The following DRAM1 variants were observed in gnomAD, a reference collection of about 807,000 sequenced individuals.
DRAM1 encodes the protein DNA damage regulated autophagy modulator 1.
DRAM1 carries 25 observed loss-of-function variants against 28.5 expected under a neutral mutation model. The ratio of observed to expected loss-of-function variants is 0.88; its 90% CI spans 0.64 to 1.23. The LOEUF (loss-of-function observed/expected upper bound fraction) is 1.23, where lower values mean the gene tolerates loss of function less well. Among genes scored for constraint, DRAM1 ranks in the 50% most tolerant of loss-of-function variants. The probability of loss-of-function intolerance (pLI) is 0.00; values close to 1 mark genes in which losing one functional copy is unlikely to be tolerated. For missense variants in DRAM1, 249 were observed against 299.2 expected (o/e 0.83, Z 1.24); for synonymous variants, 113 against 114.2 (o/e 0.99, Z 0.07).
intron 1 of DRAM1, among the ~76,000 whole-genome samples, chr12:101,884,989 A>G (rs913080651): frequency 6.6e-6 from 1 of 150,428 alleles, no homozygotes; most frequent in Non-Finnish European, 1.5e-5. Context: ...GCTGGAGTGC[A>G]ATGGCGCAAT....
chr12:101,892,315 A>C (rs1404653390), intron 1 of DRAM1, among the ~76,000 whole-genome samples: 1 of 151,356 alleles, frequency 6.6e-6, no homozygotes, highest in Non-Finnish European at 1.5e-5. Flanking sequence ...GGCTCACTGC[A>C]ACCTCCACCT....
intron 2 of DRAM1, among the ~76,000 whole-genome samples, chr12:101,901,035 A>G (rs1873579259): frequency 6.6e-6 from 1 of 152,076 alleles, no homozygotes; most frequent in African/African-American, 2.4e-5. Context: ...AGAGTAATAC[A>G]TGTACTATAA....
chr12:101,880,528 A>G (rs1275243517), intron 1 of DRAM1, among the ~76,000 whole-genome samples: 2 of 151,980 alleles, frequency 1.3e-5, no homozygotes, highest in Non-Finnish European at 2.9e-5. Flanking sequence ...ACCTCAGATG[A>G]TCCACCTGCC....
chr12:101,916,665 T>A (rs1826991720), intron 5 of DRAM1, among the ~76,000 whole-genome samples: 1 of 152,168 alleles, frequency 6.6e-6, no homozygotes, highest in Admixed American at 6.5e-5. Flanking sequence ...CAGAGGATTC[T>A]TTCCCCCAAG....
intron 3 of DRAM1, among the ~76,000 whole-genome samples, chr12:101,903,499 G>A (rs1873675484): frequency 6.6e-6 from 1 of 152,170 alleles, no homozygotes; most frequent in Non-Finnish European, 1.5e-5. Context: ...ACAGGAGAGA[G>A]TAGAATGGTG....
At position 101,895,805 on chromosome 12, in the gene DRAM1, C is replaced by T. The variant is rs1201392403; in HGVS notation, c.132-2058C>T. ...CAGGCTGGTCTTGAACTCCTGACCT[C>T]GTGATCCACCTGCCTCGGGCTCCCG... On this transcript the variant is annotated intron_variant, in intron 1 of 6. Coordinates refer to ENST00000258534, the MANE Select transcript of DRAM1 (RefSeq NM_018370.3). Among the ~76,000 whole-genome samples, 10 of 151,866 alleles carry T rather than the reference C, an allele frequency of 6.6e-5. No homozygotes were observed. The South Asian group carries it at 1.0e-3, about 16-fold the overall frequency.
intron 1 of DRAM1, among the ~76,000 whole-genome samples, chr12:101,894,680 GC>G (rs1313064179): frequency 6.6e-6 from 1 of 152,160 alleles, no homozygotes; most frequent in Non-Finnish European, 1.5e-5. Context: ...GTCTCAATTT[GC>G]CATCAATAGA....
chr12:101,898,647 T>C (rs1873480408), intron 2 of DRAM1, among the ~76,000 whole-genome samples: 1 of 152,138 alleles, frequency 6.6e-6, no homozygotes. Flanking sequence ...AAAATGCAGG[T>C]TCCTGGGCCA....
At chr12:101,882,692 A>C (rs140959805) in intron 1 of DRAM1, among the ~76,000 whole-genome samples, 1 of 151,386 alleles carries the variant, frequency 6.6e-6, no homozygotes, top group Non-Finnish European at 1.5e-5. Flanking sequence ...TGATACTAGT[A>C]CTGGTGAGAA....
chr12:101,909,945 T>C (rs1349678350), intron 4 of DRAM1, among the ~76,000 whole-genome samples: 1 of 152,232 alleles, frequency 6.6e-6, no homozygotes, highest in African/African-American at 2.4e-5. Flanking sequence ...ATCGGAACTA[T>C]GTTATCGGCG....
At chr12:101,914,283 T>C (rs764464588) in intron 5 of DRAM1, 51 bp downstream of exon 5, 7 of 1,471,616 alleles carry the variant, frequency 4.8e-6, no homozygotes, top group Admixed American at 1.9e-5. Flanking sequence ...TTATGTGAGC[T>C]TGTGGCCAGG....
intron 1 of DRAM1, among the ~76,000 whole-genome samples, chr12:101,889,503 A>AAGGAAAGG (rs774762667): frequency 0.079 from 11,101 of 141,040 alleles, 652 homozygotes; most frequent in Middle Eastern, 0.15. Context: ...GTAAGGAAGG[A>AAGGAAAGG]AAGGAAGGAA....
rs914572026 is a variant in DRAM1 at position 101,922,097 on chromosome 12, C to T, written c.*837C>T. On this transcript the variant is annotated 3_prime_UTR_variant, in exon 7 of 7. Coordinates refer to ENST00000258534, the MANE Select transcript of DRAM1 (RefSeq NM_018370.3). ...CTCACATCTCAAATTCATTTCATGC[C>T]AGTAAATGTGGCAAAGAGAAGAAAG... 1 of 152,160 alleles carries T rather than the reference C, an allele frequency of 6.6e-6. No homozygotes were observed. Among genetic ancestry groups the T allele is most frequent in the East Asian group, 1.9e-4 (1 of 5,200 alleles). The allele number at this position is 152,160 out of a possible 1,614,324, so 9.4% of individuals were successfully genotyped here. A position where few individuals can be genotyped will look rare whatever the true frequency, so the allele number is the denominator to read the frequency against.
At chr12:101,891,634 C>T (rs1394570981) in intron 1 of DRAM1, among the ~76,000 whole-genome samples, 1 of 152,238 alleles carries the variant, frequency 6.6e-6, no homozygotes, top group Non-Finnish European at 1.5e-5. Context: ...TTCCTAGGCA[C>T]AACCTACCCC....
chr12:101,919,641 C>G (rs1266005750), intron 5 of DRAM1, among the ~76,000 whole-genome samples: 1 of 152,168 alleles, frequency 6.6e-6, no homozygotes, highest in Non-Finnish European at 1.5e-5. Context: ...AACAGGGAAA[C>G]ACGAAACCTA....
intron 1 of DRAM1, among the ~76,000 whole-genome samples, chr12:101,885,904 C>A (rs758967123): frequency 1.3e-5 from 2 of 152,100 alleles, no homozygotes; most frequent in Non-Finnish European, 2.9e-5. Flanking sequence ...ATATATGCTC[C>A]ATGAGGATAG....
At chr12:101,914,785 G>A (rs1874171123) in intron 5 of DRAM1, among the ~76,000 whole-genome samples, 1 of 152,010 alleles carries the variant, frequency 6.6e-6, no homozygotes. Flanking sequence ...AGCCTCCCGA[G>A]TAGCTGGGAC....
intron 6 of DRAM1, 21 bp downstream of exon 6, chr12:101,920,222 A>G (rs1874426108): frequency 1.3e-6 from 2 of 1,550,038 alleles, no homozygotes; most frequent in East Asian, 2.3e-5. Context: ...ATCAATTCAA[A>G]TGTTTTAAAT....
intron 3 of DRAM1, among the ~76,000 whole-genome samples, chr12:101,906,310 T>C (rs1428119013): frequency 6.6e-6 from 1 of 152,166 alleles, no homozygotes; most frequent in Admixed American, 6.5e-5. Flanking sequence ...TCATTTGTGC[T>C]CCAGCTTGAG....
Sources: gnomAD v4.1 joint callset for allele counts (sites outside exome capture counted in the v4.1 genomes callset) on GRCh38, gnomAD v4.1.1 for gene constraint, MANE v1.5 for transcripts, NCBI Gene and HGNC (gene_info 2026-07-23, HGNC 2026-07-21) for gene names.